The following PCDH15 variants were observed in gnomAD, a reference collection of about 807,000 sequenced individuals.
PCDH15 encodes protocadherin related 15, also known as protocadherin-15.
A neutral mutation model predicts 178.5 loss-of-function variants in PCDH15; 129 were observed. That is an observed-to-expected ratio of 0.72 (90% confidence interval 0.63 to 0.84). The LOEUF (loss-of-function observed/expected upper bound fraction) is 0.84. PCDH15 is among the 40% of genes least tolerant of loss of function. PCDH15 has a pLI of 0.00. For synonymous variants in PCDH15, 800 were observed against 732.0 expected, an observed-to-expected ratio of 1.09 and a Z score of -1.50; for missense variants, 2,230 against 2,099.9, an observed-to-expected ratio of 1.06 and a Z score of -1.21.
chr10:54,479,107 A>G (rs2078502864), intron 3 of PCDH15, among the ~76,000 whole-genome samples: 1 of 152,060 alleles, frequency 6.6e-6, no homozygotes, highest in Non-Finnish European at 1.5e-5. Flanking sequence ...TTGAAAAGAA[A>G]TTGTACATAG....
In PCDH15 at chr10:54,378,789, T is replaced by C. The variant is rs1565126211; in HGVS notation, c.311A>G (p.Asp104Gly). ...AGAAAAAAAATCACTAACATCTCTA[T>C]CCAGAACTCTTCCGGTGCTGTTCAG... is the stretch of plus-strand genomic sequence containing the variant. ...LFLNSTGRVL[D>G]RDPPMNIHSI... Residue 104 changes from aspartate (D) to glycine (G), a missense_variant, in exon 4 of 38, where the codon GAT (aspartate) becomes GGT (glycine). Coordinates refer to ENST00000644397, the MANE Select transcript of PCDH15 (RefSeq NM_001384140.1). 6 of 1,613,702 alleles carry C rather than the reference T, an allele frequency of 3.7e-6. No homozygotes were observed.
intron 3 of PCDH15, among the ~76,000 whole-genome samples, chr10:54,471,575 T>C (rs1036298815): frequency 9.2e-5 from 14 of 152,090 alleles, no homozygotes; most frequent in Non-Finnish European, 1.6e-4. Context: ...TTTTATACTA[T>C]TGGCATATAG....
At chr10:54,739,778 C>T (rs931747641) in intron 1 of PCDH15, among the ~76,000 whole-genome samples, 7 of 151,848 alleles carry the variant, frequency 4.6e-5, no homozygotes, top group African/African-American at 1.7e-4. Context: ...AGGACATATG[C>T]TGATAAACAA....
rs199514604 is a variant in PCDH15, at chr10:54,517,199, C to A, written c.157+10613G>T. ...AACATCATAATGACATGATCAAATT[C>A]ACACATAACAATATTAACTTTAAAT... On this transcript the variant is annotated intron_variant, in intron 3 of 37. Transcript: ENST00000644397. 1.2e-4 allele frequency among the ~76,000 whole-genome samples: 18 copies of A among 152,234 alleles called. No individual in the cohort carries two copies. In the East Asian group the frequency reaches 2.5e-3, roughly 21 times the overall value.
chr10:54,964,481 T>C (rs536392930), intron 2 of PCDH15, among the ~76,000 whole-genome samples: 3 of 152,282 alleles, frequency 2.0e-5, no homozygotes, highest in East Asian at 3.9e-4. Flanking sequence ...TGGAAAAATA[T>C]GGTTTTTCTG....
intron 2 of PCDH15, among the ~76,000 whole-genome samples, chr10:54,538,643 T>C (rs2084845748): frequency 6.6e-6 from 1 of 152,142 alleles, no homozygotes. Context: ...GCTGGTGGGA[T>C]AAAACTGGAT....
intron 2 of PCDH15, among the ~76,000 whole-genome samples, chr10:54,910,149 C>A (rs551886030): frequency 6.6e-6 from 1 of 152,104 alleles, no homozygotes; most frequent in Non-Finnish European, 1.5e-5. Flanking sequence ...ACTGCTGCTC[C>A]CACAGTTGCT....
At chr10:54,010,546 G>C (rs928814076) in intron 20 of PCDH15, among the ~76,000 whole-genome samples, 1 of 152,152 alleles carries the variant, frequency 6.6e-6, no homozygotes, top group Non-Finnish European at 1.5e-5. Context: ...TTCTATGCAG[G>C]TCTCTGCCTC....
At chr10:54,226,169 T>A (rs2053424013) in intron 9 of PCDH15, among the ~76,000 whole-genome samples, 1 of 152,186 alleles carries the variant, frequency 6.6e-6, no homozygotes, top group Admixed American at 6.5e-5. Flanking sequence ...TAATTGGACT[T>A]ACAGTTCCAC....
intron 3 of PCDH15, among the ~76,000 whole-genome samples, chr10:54,427,813 A>G (rs868569979): frequency 6.6e-6 from 1 of 152,146 alleles, no homozygotes; most frequent in Non-Finnish European, 1.5e-5. Context: ...TAAAGAGGGA[A>G]AGTTATTCAA....
At chr10:53,970,145 A>G (rs1345544316) in intron 21 of PCDH15, among the ~76,000 whole-genome samples, 1 of 152,166 alleles carries the variant, frequency 6.6e-6, no homozygotes, top group African/African-American at 2.4e-5. Context: ...CATAGGCTCA[A>G]AATAAAGGGA....
At chr10:54,918,930 A>T (rs1591783226) in intron 2 of PCDH15, among the ~76,000 whole-genome samples, 1 of 152,302 alleles carries the variant, frequency 6.6e-6, no homozygotes, top group East Asian at 1.9e-4. Context: ...ACATGAGCAG[A>T]ACATTTGGAT....
chr10:53,863,348 G>A (rs78903626), intron 27 of PCDH15, among the ~76,000 whole-genome samples: 1 of 152,154 alleles, frequency 6.6e-6, no homozygotes, highest in Non-Finnish European at 1.5e-5. Context: ...CAGTGAGATA[G>A]TAGGACAAGG....
At chr10:54,939,525 C>CAAAAAAAAAAAAAAAAAAA (rs1732851562) in intron 2 of PCDH15, among the ~76,000 whole-genome samples, 5 of 78,246 alleles carry the variant, frequency 6.4e-5, no homozygotes, top group Admixed American at 1.3e-4. Context: ...AAAAAAAAAT[C>CAAAAAAAAAAAAAAAAAAA]AGTGATGTAA....
Position 54,185,236 on chromosome 10 carries a change from A to T in PCDH15, c.1338T>A (p.Asn446Lys). The T allele has an allele frequency of 6.2e-7, 1 of 1,613,722 alleles. No individual in the cohort carries two copies. The highest frequency in any genetic ancestry group is 8.5e-7 in the Non-Finnish European group (1 of 1,179,698). Residue 446 changes from asparagine to lysine, a missense_variant, in exon 12 of 38, where the codon AAT (asparagine) becomes AAA (lysine). Transcript: ENST00000644397. ...TGACGGTGAAGACTGAGGTGTAGTC[A>T]TTCAGAAAAAGGTGAAGCTCTGGGT... ...TKDPELHLFL[N>K]DYTSVFTVTQ...
chr10:54,510,386 T>A (rs1234616149), intron 3 of PCDH15, among the ~76,000 whole-genome samples: 7 of 152,178 alleles, frequency 4.6e-5, no homozygotes. Flanking sequence ...CAGGGAGGAC[T>A]GAAGAAGATT....
chr10:54,593,257 A>C (rs2091993689), intron 2 of PCDH15, among the ~76,000 whole-genome samples: 1 of 152,108 alleles, frequency 6.6e-6, no homozygotes, highest in Non-Finnish European at 1.5e-5. Flanking sequence ...AGAACCAATG[A>C]CAAGAATCTT....
intron 26 of PCDH15, among the ~76,000 whole-genome samples, chr10:53,891,894 G>A (rs1297198098): frequency 2.6e-5 from 4 of 151,972 alleles, no homozygotes; most frequent in Non-Finnish European, 5.9e-5. Context: ...GCTTGAACCA[G>A]GGAGGTGAAG....
intron 3 of PCDH15, among the ~76,000 whole-genome samples, chr10:54,887,347 GT>G (rs1326672442): frequency 6.6e-6 from 1 of 152,056 alleles, no homozygotes; most frequent in Non-Finnish European, 1.5e-5. Context: ...TATTTATAGT[GT>G]TTATTTTGTA....
Sources: allele counts gnomAD v4.1 joint callset (sites outside exome capture counted in the v4.1 genomes callset), GRCh38; gene constraint gnomAD v4.1.1; transcripts MANE v1.5; gene names NCBI Gene and HGNC (gene_info 2026-07-23, HGNC 2026-07-21).